The following TTLL11 variants were observed in gnomAD, a reference collection of about 807,000 sequenced individuals.
TTLL11 encodes tubulin polyglutamylase TTLL11.
In TTLL11, 42 loss-of-function variants were observed where a neutral mutation model predicts 51.7. The ratio of observed to expected loss-of-function variants is 0.81; its 90% CI spans 0.64 to 1.05. The LOEUF (loss-of-function observed/expected upper bound fraction) is 1.05. TTLL11 is among the 50% of genes least tolerant of loss of function. The pLI is 0.00. For synonymous variants in TTLL11, 381 were observed against 383.5 expected (o/e 0.99, Z 0.08); for missense variants, 799 against 940.4 (o/e 0.85, Z 1.97).
At chr9:121,873,379 CTCCT>C (rs1337759532) in intron 6 of TTLL11, among the ~76,000 whole-genome samples, 3 of 133,258 alleles carry the variant, frequency 2.3e-5, no homozygotes, top group East Asian at 2.5e-4. Context: ...AATTCTTCTT[CTCCT>C]TTTTTTTTTT....
chr9:121,835,911 G>T (rs755090132), intron 8 of TTLL11, among the ~76,000 whole-genome samples: 1 of 152,180 alleles, frequency 6.6e-6, no homozygotes, highest in African/African-American at 2.4e-5. Flanking sequence ...TGGAGGCTCA[G>T]GACTCATTCC....
At chr9:121,828,830 T>C (rs540786122) in intron 8 of TTLL11, among the ~76,000 whole-genome samples, 1 of 152,230 alleles carries the variant, frequency 6.6e-6, no homozygotes, top group South Asian at 2.1e-4. Context: ...CTGGGTGAGA[T>C]GGCTTAACCC....
At chr9:121,909,638 G>A (rs779734016) in intron 6 of TTLL11, among the ~76,000 whole-genome samples, 17 of 152,128 alleles carry the variant, frequency 1.1e-4, no homozygotes, top group Non-Finnish European at 4.4e-5. Flanking sequence ...CATTGTGTTG[G>A]GAACTAGAGA....
At chr9:121,919,366 C>T (rs1215416803) in intron 6 of TTLL11, among the ~76,000 whole-genome samples, 1 of 151,846 alleles carries the variant, frequency 6.6e-6, no homozygotes, top group Non-Finnish European at 1.5e-5. Context: ...AAGTGGCTTA[C>T]ACAGATAGGT....
intron 1 of TTLL11, among the ~76,000 whole-genome samples, chr9:122,052,086 A>C (rs1248684628): frequency 2.0e-5 from 3 of 152,174 alleles, no homozygotes; most frequent in African/African-American, 4.8e-5. Flanking sequence ...GTGGAAATTG[A>C]TGAAATCCTG....
intron 1 of TTLL11, among the ~76,000 whole-genome samples, chr9:122,064,813 T>C (rs1213537353): frequency 6.6e-6 from 1 of 152,192 alleles, no homozygotes; most frequent in Non-Finnish European, 1.5e-5. Context: ...AGAACAATTT[T>C]TTCTTTCTAG....
intron 6 of TTLL11, among the ~76,000 whole-genome samples, chr9:121,967,183 C>T (rs1012531937): frequency 6.7e-6 from 1 of 149,496 alleles, no homozygotes; most frequent in Admixed American, 6.7e-5. Flanking sequence ...ACAGGCCGCT[C>T]CTCTGTCAGT....
In TTLL11 at chr9:121,821,458, A is replaced by G. The variant is rs1836576094; in HGVS notation, c.*1129T>C. ...AAGGGATCCTCCAGGAAAGGGCCAC[A>G]TTAACCCCAAATCCAACCACACTCT... On this transcript the variant is annotated 3_prime_UTR_variant, in exon 9 of 9. Transcript: ENST00000321582. This position sits in a 1 kb window ranked among gnomAD's most constrained non-coding sequence, Gnocchi z 5.0. Among the ~76,000 whole-genome samples the G allele has an allele frequency of 6.6e-6, 1 of 152,154 alleles. No homozygotes were observed.
At chr9:122,030,267 C>T (rs1464104359) in intron 3 of TTLL11, among the ~76,000 whole-genome samples, 1 of 148,462 alleles carries the variant, frequency 6.7e-6, no homozygotes, top group African/African-American at 2.5e-5. Context: ...TTTATTGAAG[C>T]ATAGTTTGCA....
intron 6 of TTLL11, among the ~76,000 whole-genome samples, chr9:121,908,232 G>A (rs1176561258): frequency 2.0e-5 from 3 of 152,202 alleles, no homozygotes; most frequent in Admixed American, 6.5e-5. Flanking sequence ...CTGGAAGGCT[G>A]AGGGAATCCC....
Position 121,822,844 on chromosome 9 carries a change from A to G in TTLL11, c.1876T>C (p.Phe626Leu). ...CLQAFVEAFF[F>L]LAQRKFKMLP... is the part of the protein sequence containing the mutation. ...ATCTTGAACTTCCTCTGAGCCAGGA[A>G]AAAGAAAGCTTCTACGAAGGCCTGC... is the stretch of plus-strand genomic sequence containing the variant. Residue 626 changes from phenylalanine to leucine, a missense_variant, in exon 9 of 9, where the codon TTC (phenylalanine) becomes CTC (leucine). Physicochemically the swap from Phe to Leu is conservative, Grantham distance 22. Coordinates refer to ENST00000321582, the MANE Select transcript of TTLL11 (RefSeq NM_001139442.2). The surrounding 1 kb of genome is among the most constrained non-coding windows in gnomAD (Gnocchi z 5.8). 9 of 1,551,446 alleles carry G rather than the reference A, an allele frequency of 5.8e-6. No individual in the cohort carries two copies. Among genetic ancestry groups the G allele is most frequent in the Non-Finnish European group, 7.8e-6 (9 of 1,146,902 alleles).
intron 6 of TTLL11, among the ~76,000 whole-genome samples, chr9:121,963,411 G>A (rs572742270): frequency 1.3e-5 from 2 of 152,286 alleles, no homozygotes; most frequent in African/African-American, 2.4e-5. Flanking sequence ...AAAAGCACAC[G>A]AACATTTAAG....
chr9:122,057,175 C>T (rs1004915442), intron 1 of TTLL11, among the ~76,000 whole-genome samples: 2 of 152,158 alleles, frequency 1.3e-5, no homozygotes, highest in African/African-American at 2.4e-5. Flanking sequence ...TGGCATTTTA[C>T]TGCCTGTAGA....
At chr9:122,068,712 G>A (rs937243906) in intron 1 of TTLL11, among the ~76,000 whole-genome samples, 2 of 152,220 alleles carry the variant, frequency 1.3e-5, no homozygotes, top group African/African-American at 4.8e-5. Context: ...CATTGTGGCA[G>A]ATACTGGGGG....
intron 6 of TTLL11, among the ~76,000 whole-genome samples, chr9:121,905,354 C>CA (rs1554767411): frequency 2.8e-5 from 4 of 144,082 alleles, no homozygotes; most frequent in Non-Finnish European, 4.6e-5. Flanking sequence ...TTACATTTAA[C>CA]TTTTTTTTTT....
chr9:121,892,095 C>A (rs1839263340), intron 6 of TTLL11, among the ~76,000 whole-genome samples: 1 of 145,588 alleles, frequency 6.9e-6, no homozygotes, highest in South Asian at 2.2e-4. Context: ...ATGATAATAT[C>A]TATCAATTAT....
At chr9:121,971,746 G>GAAA (rs768215225) in intron 6 of TTLL11, among the ~76,000 whole-genome samples, 11 of 97,886 alleles carry the variant, frequency 1.1e-4, no homozygotes, top group East Asian at 5.8e-4. Context: ...TCTGCCTTGG[G>GAAA]AAAAAAAAAA....
intron 6 of TTLL11, among the ~76,000 whole-genome samples, chr9:121,959,960 T>A (rs773064995): frequency 1.6e-4 from 24 of 152,128 alleles, no homozygotes; most frequent in Non-Finnish European, 2.8e-4. Context: ...CATAGATACA[T>A]ACATTTAAAG....
chr9:121,925,174 G>C (rs902474207), intron 6 of TTLL11, among the ~76,000 whole-genome samples: 7 of 152,168 alleles, frequency 4.6e-5, no homozygotes, highest in East Asian at 1.9e-4. Context: ...TGATATTTCT[G>C]AAGGAAAGAC....
Sources: allele counts gnomAD v4.1 joint callset (sites outside exome capture counted in the v4.1 genomes callset), GRCh38; gene constraint gnomAD v4.1.1; non-coding constraint Gnocchi (gnomAD v3.1); transcripts MANE v1.5; gene names NCBI Gene and HGNC (gene_info 2026-07-23, HGNC 2026-07-21).